The following PDCD11 variants were observed in gnomAD, a reference collection of about 807,000 sequenced individuals.
PDCD11 encodes the protein protein RRP5 homolog.
In PDCD11, 97 loss-of-function variants were observed where a neutral mutation model predicts 198.9. The ratio of observed to expected loss-of-function variants is 0.49; its 90% CI spans 0.41 to 0.58. PDCD11 has a LOEUF of 0.58. Among genes scored for constraint, PDCD11 ranks in the 20% least tolerant of loss-of-function variants. The probability of loss-of-function intolerance (pLI) is 0.00; values close to 1 mark genes in which losing one functional copy is unlikely to be tolerated. For synonymous variants in PDCD11, 893 were observed against 918.0 expected, an observed-to-expected ratio of 0.97 and a Z score of 0.49; for missense variants, 2,102 against 2,312.7, an observed-to-expected ratio of 0.91 and a Z score of 1.87.
chr10:103,441,594 T>C (rs2032386027), intron 30 of PDCD11, among the ~76,000 whole-genome samples: 1 of 152,198 alleles, frequency 6.6e-6, no homozygotes, highest in Non-Finnish European at 1.5e-5. Context: ...TATGCATGTG[T>C]GTGTGTGAAA....
rs373382311 is a variant in PDCD11, at chr10:103,441,933, G to A, written c.4665G>A (p.Glu1555=). The part of the protein sequence containing the change: ...SLTPALPPLA[E]SSDSEEDEKP... The stretch of plus-strand genomic sequence containing the variant: ...CCCCGGCCTTGCCACCTCTAGCAGA[G>A]AGCTCAGACAGCGAGGAGGATGAGA... The change falls in exon 31 of 36, where the codon GAG becomes GAA. Residue 1555 remains glutamate (E), a synonymous_variant. Transcript: ENST00000369797. 7 of 1,614,156 alleles carry A rather than the reference G, an allele frequency of 4.3e-6. No individual in the cohort carries two copies. The East Asian group carries it at 1.6e-4, about 36-fold the overall frequency.
intron 6 of PDCD11, among the ~76,000 whole-genome samples, 159 bp from the exon 7 acceptor site, chr10:103,406,450 C>T (rs2030453666): frequency 6.6e-6 from 1 of 152,164 alleles, no homozygotes; most frequent in Non-Finnish European, 1.5e-5. Flanking sequence ...ACTTCGTTTC[C>T]TTCTTGTAGT....
At chr10:103,406,183 A>T in intron 6 of PDCD11, 75 bp downstream of exon 6, 2 of 1,526,170 alleles carry the variant, frequency 1.3e-6, no homozygotes, top group Non-Finnish European at 1.8e-6. Context: ...TGCCATTTTG[A>T]TGAGTAACAT....
In PDCD11 at chr10:103,406,086, G is replaced by A; in HGVS notation, c.666G>A (p.Glu222=). The A allele has an allele frequency of 6.2e-7, 1 of 1,614,174 alleles. No homozygotes were observed. Among genetic ancestry groups the A allele is most frequent in the South Asian group, 1.1e-5 (1 of 91,082 alleles). The change falls in exon 6 of 36, where the codon GAG becomes GAA. Residue 222 remains glutamate (E), a synonymous_variant. Coordinates refer to ENST00000369797, the MANE Select transcript of PDCD11 (RefSeq NM_014976.2). ...TTCTGCCACTGCTGAAAGCCCAGGAGTACATCAGACAGAAGAACAAAGGTG... is the reference window on the plus strand; with the variant it reads ...TTCTGCCACTGCTGAAAGCCCAGGAATACATCAGACAGAAGAACAAAGGTG... ...RAFLPLLKAQ[E]YIRQKNKGAK...
rs1406693231 is a variant in PDCD11, at chr10:103,425,525, A to G, written c.3305A>G (p.Lys1102Arg). Residue 1102 changes from lysine to arginine, a missense_variant and splice_region_variant, in exon 20 of 36, where the codon AAG becomes AGG. Coordinates refer to ENST00000369797, the MANE Select transcript of PDCD11 (RefSeq NM_014976.2). ...VIGGRDMKTF[K>R]YLPISHPRFV... ...GGCGGGCGAGACATGAAGACATTCA[A>G]GTATGGAGGCTCTGGGGGTGGGCTG... The G allele has an allele frequency of 6.2e-7, 1 of 1,601,252 alleles. No individual in the cohort carries two copies. Among genetic ancestry groups the G allele is most frequent in the Non-Finnish European group, 8.5e-7 (1 of 1,169,682 alleles).
rs766057970 is a variant in PDCD11, at chr10:103,438,037, G to A, written c.3868G>A (p.Asp1290Asn). ...VVRCYILSTA[D>N]NVLTLSLRSS... Reference sequence around the variant, plus strand: ...CAGATGTTACATCCTGTCCACTGCAGACAACGTATTGACTTTGTCGCTGCG... The same window carrying A: ...CAGATGTTACATCCTGTCCACTGCAAACAACGTATTGACTTTGTCGCTGCG... The change falls in exon 26 of 36, where the codon GAC (aspartate) becomes AAC (asparagine). Residue 1290 changes from aspartate (D) to asparagine (N), a missense_variant. Coordinates refer to ENST00000369797, the MANE Select transcript of PDCD11 (RefSeq NM_014976.2). 26 of 1,613,602 alleles carry A rather than the reference G, an allele frequency of 1.6e-5. No individual in the cohort carries two copies. In the Admixed American group the frequency reaches 2.3e-4, roughly 14 times the overall value.
Position 103,415,103 on chromosome 10 carries a change from G to A in PDCD11, c.1470G>A (p.Met490Ile), listed in dbSNP as rs1380652650. 1 of 1,614,124 alleles carries A rather than the reference G, an allele frequency of 6.2e-7. No individual in the cohort carries two copies. The highest frequency in any genetic ancestry group is 8.5e-7 in the Non-Finnish European group (1 of 1,180,022). The stretch of plus-strand genomic sequence containing the variant: ...CCATGCACCTGGCTGACATCCTGAT[G>A]AAGAATCCGGAGAAGAAGTACCACA... Reference protein sequence around the residue: ...VPPMHLADILMKNPEKKYHIG... With the variant: ...VPPMHLADILIKNPEKKYHIG... Residue 490 changes from methionine to isoleucine, a missense_variant, in exon 12 of 36, where the codon ATG (methionine) becomes ATA (isoleucine). Physicochemically the swap from Met to Ile is conservative, Grantham distance 10 (BLOSUM62 1). Transcript: ENST00000369797.
rs1041595668 is a variant in PDCD11, at chr10:103,418,585, G to A, written c.2057G>A (p.Gly686Asp). The change falls in exon 15 of 36, where the codon GGT (glycine) becomes GAT (aspartate). Residue 686 changes from glycine to aspartate, a missense_variant. By Grantham distance (94) the Gly-to-Asp change is moderately conservative. Transcript: ENST00000369797. Reference protein sequence around the residue: ...GPLLHHWLQAGDILHRVLCLS... With the variant: ...GPLLHHWLQADDILHRVLCLS... ...TTGTTACATCATTGGCTCCAGGCAG[G>A]TGACATCCTTCACCGAGTCCTGTGT... The A allele has an allele frequency of 1.2e-6, 2 of 1,614,084 alleles. No individual in the cohort carries two copies. The highest frequency in any genetic ancestry group is 1.3e-5 in the African/African-American group (1 of 74,926).
chr10:103,415,134 G>T lies in PDCD11; in HGVS notation c.1501G>T (p.Asp501Tyr). 1 of 1,613,988 alleles carries T rather than the reference G, an allele frequency of 6.2e-7. No homozygotes were observed. The highest frequency in any genetic ancestry group is 1.7e-4 in the Middle Eastern group (1 of 5,912). Residue 501 changes from aspartate to tyrosine, a missense_variant, in exon 12 of 36, where the codon GAT (aspartate) becomes TAT (tyrosine). Transcript: ENST00000369797. ...KNPEKKYHIG[D>Y]EVKCRVLLCD... is the part of the protein sequence containing the mutation. ...TCCGGAGAAGAAGTACCACATCGGGGATGAGGTCAAGTGCCGGGTGAGCCT... is the reference window on the plus strand; with the variant it reads ...TCCGGAGAAGAAGTACCACATCGGGTATGAGGTCAAGTGCCGGGTGAGCCT...
In PDCD11 at chr10:103,400,465, G is replaced by A. The variant is rs778163990; in HGVS notation, c.171G>A (p.Leu57=). ...SQKGPAKTKK[L]KIEKRESSKS... Reference sequence around the variant, plus strand: ...AGGGGCCAGCAAAAACAAAAAAGTTGAAAATCGAAAAGAGAGAAAGCAGCA... The same window carrying A: ...AGGGGCCAGCAAAAACAAAAAAGTTAAAAATCGAAAAGAGAGAAAGCAGCA... The change falls in exon 3 of 36, where the codon TTG becomes TTA. Residue 57 remains leucine, a synonymous_variant. Coordinates refer to ENST00000369797, the MANE Select transcript of PDCD11 (RefSeq NM_014976.2). 2.6e-5 allele frequency: 42 copies of A among 1,613,838 alleles called. No homozygotes were observed. The highest frequency in any genetic ancestry group is 3.3e-5 in the Non-Finnish European group (39 of 1,179,944).
rs1159623190 is a variant in PDCD11, at chr10:103,445,708, AG to A, written c.*160del. On this transcript the variant is annotated 3_prime_UTR_variant, in exon 36 of 36. Coordinates refer to ENST00000369797, the MANE Select transcript of PDCD11 (RefSeq NM_014976.2). Reference sequence around the variant, plus strand: ...TCCTGTCAGGATGAAAAGGAAGTTGAGATTTTTTAAATCCCTCTTCGCTTGC... The same window carrying A: ...TCCTGTCAGGATGAAAAGGAAGTTGAATTTTTTAAATCCCTCTTCGCTTGC... 2.8e-5 allele frequency: 17 copies of A among 604,400 alleles called. No homozygotes were observed. Among genetic ancestry groups the A allele is most frequent in the Non-Finnish European group, 4.9e-5 (17 of 345,564 alleles). The allele number at this position is 604,400 out of a possible 1,614,324, so 37.4% of individuals were successfully genotyped here. A position where few individuals can be genotyped will look rare whatever the true frequency, so the allele number is the denominator to read the frequency against.
At chr10:103,403,694 T>C (rs1250138121) in intron 4 of PDCD11, among the ~76,000 whole-genome samples, 1 of 152,186 alleles carries the variant, frequency 6.6e-6, no homozygotes. Flanking sequence ...CCTTGAAATG[T>C]TCTCACTGGG....
chr10:103,437,963 T>C (rs915919846), intron 25 of PDCD11, 52 bp from the exon 26 acceptor site: 3 of 1,462,488 alleles, frequency 2.1e-6, no homozygotes, highest in South Asian at 2.3e-5. Flanking sequence ...GACCCTTTGC[T>C]GTTCACAGAT....
chr10:103,410,364 A>AT (rs59899748), intron 8 of PDCD11, among the ~76,000 whole-genome samples: 6 of 151,328 alleles, frequency 4.0e-5, no homozygotes, highest in South Asian at 4.2e-4. Context: ...ATATAGTTTG[A>AT]TTTTTTTTTC....
intron 10 of PDCD11, 52 bp downstream of exon 10, chr10:103,414,142 T>G (rs759162359): frequency 6.3e-7 from 1 of 1,588,146 alleles, no homozygotes; most frequent in Non-Finnish European, 8.6e-7. Context: ...CTGTACATGT[T>G]CATATTCCAT....
At chr10:103,418,698 A>G (rs1427803422) in intron 15 of PDCD11, 64 bp downstream of exon 15, 3 of 1,368,648 alleles carry the variant, frequency 2.2e-6, no homozygotes, top group African/African-American at 1.4e-5. Flanking sequence ...TGGATGGGAA[A>G]TTCTGGGGAA....
chr10:103,445,419 A>G lies in PDCD11; in HGVS notation c.5486A>G (p.Lys1829Arg), dbSNP rs144121362. Residue 1829 changes from lysine to arginine, a missense_variant, in exon 36 of 36, where the codon AAG (lysine) becomes AGG (arginine). Physicochemically the swap from Lys to Arg is conservative, Grantham distance 26. Transcript: ENST00000369797. ...GTCATTCATCTGAGCTTGGCCCCCA[A>G]GAGAATGAAGTTCTTCTTCAAGCGC... ...ERVIHLSLAP[K>R]RMKFFFKRYL... 5,826 of 1,614,220 alleles carry G rather than the reference A, an allele frequency of 3.6e-3. 19 individuals are homozygous for G. The highest frequency in any genetic ancestry group is 3.8e-3 in the Non-Finnish European group (4,491 of 1,180,026).
intron 12 of PDCD11, among the ~76,000 whole-genome samples, chr10:103,416,286 G>T (rs115150328): frequency 1.8e-3 from 277 of 152,300 alleles, no homozygotes; most frequent in African/African-American, 6.4e-3. Context: ...CAATTTATGG[G>T]AGGAATTACA....
chr10:103,435,740 T>C (rs1024300386), intron 25 of PDCD11, among the ~76,000 whole-genome samples: 1 of 152,238 alleles, frequency 6.6e-6, no homozygotes, highest in East Asian at 1.9e-4. Flanking sequence ...CTCGAACTCC[T>C]GACCTCAGGT....
Sources: allele counts gnomAD v4.1 joint callset (sites outside exome capture counted in the v4.1 genomes callset), GRCh38; gene constraint gnomAD v4.1.1; transcripts MANE v1.5; gene names NCBI Gene and HGNC (gene_info 2026-07-23, HGNC 2026-07-21).